The following CNTLN variants were observed in gnomAD, a reference collection of about 807,000 sequenced individuals.
CNTLN encodes centlein, centrosomal protein.
In CNTLN, 212 loss-of-function variants were observed where a neutral mutation model predicts 180.0. The ratio of observed to expected loss-of-function variants is 1.18; its 90% confidence interval spans 1.05 to 1.32. The LOEUF (loss-of-function observed/expected upper bound fraction) is 1.32, where lower values mean the gene tolerates loss of function less well. Ranked by LOEUF, CNTLN falls within the 40% of genes most tolerant of loss-of-function variation. CNTLN has a pLI of 0.00. For synonymous variants in CNTLN, 722 were observed against 563.1 expected, an observed-to-expected ratio of 1.28 and a Z score of -3.99; for missense variants, 2,095 against 1,610.9, an observed-to-expected ratio of 1.30 and a Z score of -5.14.
At chr9:17,287,798 G>A (rs1316986839) in intron 6 of CNTLN, among the ~76,000 whole-genome samples, 2 of 146,904 alleles carry the variant, frequency 1.4e-5, no homozygotes, top group Non-Finnish European at 3.0e-5. Flanking sequence ...TTTGCGTAGA[G>A]GTGTTTGTAG....
At chr9:17,208,839 C>G (rs1441963401) in intron 2 of CNTLN, among the ~76,000 whole-genome samples, 1 of 151,764 alleles carries the variant, frequency 6.6e-6, no homozygotes, top group Non-Finnish European at 1.5e-5. Context: ...TTATTTGTGT[C>G]TTCTCTCTTT....
At chr9:17,356,076 A>G (rs113941750) in intron 12 of CNTLN, among the ~76,000 whole-genome samples, 101 of 140,130 alleles carry the variant, frequency 7.2e-4, no homozygotes, top group Non-Finnish European at 1.1e-3. Context: ...AAAAAAAAAA[A>G]AAAAAGAAAA....
chr9:17,490,604 C>T (rs553615964), intron 25 of CNTLN, among the ~76,000 whole-genome samples: 7 of 151,790 alleles, frequency 4.6e-5, no homozygotes, highest in East Asian at 1.9e-4. Flanking sequence ...TGACTGCTTA[C>T]GGATAGAATT....
chr9:17,213,519 G>A (rs2131986362), intron 2 of CNTLN, among the ~76,000 whole-genome samples: 1 of 152,290 alleles, frequency 6.6e-6, no homozygotes, highest in South Asian at 2.1e-4. Context: ...GTGCTGAGAA[G>A]CATGTATATT....
At chr9:17,284,765 G>A (rs1828877662) in intron 6 of CNTLN, among the ~76,000 whole-genome samples, 1 of 151,810 alleles carries the variant, frequency 6.6e-6, no homozygotes. Context: ...CTTCAATTCT[G>A]CTCTGATCTT....
intron 13 of CNTLN, among the ~76,000 whole-genome samples, chr9:17,372,434 C>T (rs1824402187): frequency 1.3e-5 from 2 of 151,978 alleles, no homozygotes; most frequent in South Asian, 4.2e-4. Context: ...ATGAAGAAAT[C>T]CAGAGCCTCA....
Position 17,226,206 on chromosome 9 carries a change from A to G in CNTLN, c.453A>G (p.Glu151=). The G allele has an allele frequency of 6.5e-7, 1 of 1,548,326 alleles. No individual in the cohort carries two copies. The highest frequency in any genetic ancestry group is 8.7e-7 in the Non-Finnish European group (1 of 1,142,900). The change falls in exon 3 of 26, where the codon GAA becomes GAG. Residue 151 remains glutamate (E), a synonymous_variant. Coordinates refer to ENST00000380647, the MANE Select transcript of CNTLN (RefSeq NM_017738.4). ...TQVVSLVVER[E]KQKSEAKDRK... The stretch of plus-strand genomic sequence containing the variant: ...ACTCTCTATATTTTATATCTAGAGA[A>G]AAACAGAAATCTGAAGCTAAAGACA...
At chr9:17,457,985 T>C (rs2134162165) in intron 19 of CNTLN, among the ~76,000 whole-genome samples, 1 of 152,110 alleles carries the variant, frequency 6.6e-6, no homozygotes, top group Middle Eastern at 3.4e-3. Flanking sequence ...CTAATACTTC[T>C]TTCTGCCCCC....
At chr9:17,373,251 T>A (rs1391403230) in intron 13 of CNTLN, among the ~76,000 whole-genome samples, 1 of 152,110 alleles carries the variant, frequency 6.6e-6, no homozygotes, top group Non-Finnish European at 1.5e-5. Context: ...AAAAAAACTA[T>A]TAGAAAGGAT....
chr9:17,425,341 C>T (rs778643317), intron 18 of CNTLN, among the ~76,000 whole-genome samples: 1 of 152,040 alleles, frequency 6.6e-6, no homozygotes, highest in Non-Finnish European at 1.5e-5. Flanking sequence ...AAGAGACACC[C>T]GATTCTACTC....
At chr9:17,505,693 TG>T (rs1833921246), downstream of CNTLN, among the ~76,000 whole-genome samples, 1 of 152,134 alleles carries the variant, frequency 6.6e-6, no homozygotes, top group Non-Finnish European at 1.5e-5. Flanking sequence ...ATGTTAAAGA[TG>T]CCAGCTGTCT....
chr9:17,506,493 GTCA>G (rs1833934205), downstream of CNTLN, among the ~76,000 whole-genome samples: 2 of 152,242 alleles, frequency 1.3e-5, no homozygotes, highest in African/African-American at 2.4e-5. Flanking sequence ...AGTGAAAGTT[GTCA>G]TGTTTATGTG....
At chr9:17,368,795 G>C (rs1241772405) in intron 13 of CNTLN, among the ~76,000 whole-genome samples, 1 of 152,134 alleles carries the variant, frequency 6.6e-6, no homozygotes, top group Non-Finnish European at 1.5e-5. Context: ...ACTGGACTTG[G>C]GGTGCCCACT....
chr9:17,344,147 G>A (rs1191037098), intron 12 of CNTLN, among the ~76,000 whole-genome samples: 3 of 106,080 alleles, frequency 2.8e-5, no homozygotes, highest in African/African-American at 8.4e-5. Flanking sequence ...TGATTGATTT[G>A]GAGTTTATTT....
chr9:17,453,029 G>A (rs1407872974), intron 18 of CNTLN, among the ~76,000 whole-genome samples: 1 of 152,078 alleles, frequency 6.6e-6, no homozygotes, highest in East Asian at 1.9e-4. Context: ...AAGAAAATGG[G>A]GGTCAAGCAC....
intron 25 of CNTLN, among the ~76,000 whole-genome samples, chr9:17,495,423 G>C (rs970592822): frequency 6.6e-6 from 1 of 152,018 alleles, no homozygotes; most frequent in Non-Finnish European, 1.5e-5. Flanking sequence ...CCAGGGTAAT[G>C]TGTGTGTTTG....
At chr9:17,385,727 G>A (rs77393950) in intron 13 of CNTLN, among the ~76,000 whole-genome samples, 3,261 of 152,210 alleles carry the variant, frequency 0.021, 49 homozygotes, top group Middle Eastern at 0.099. Context: ...CCTAAACAAT[G>A]TAGTATAACA....
chr9:17,277,371 CTT>C (rs1828379175), intron 6 of CNTLN, among the ~76,000 whole-genome samples: 1 of 152,176 alleles, frequency 6.6e-6, no homozygotes, highest in South Asian at 2.1e-4. Flanking sequence ...TTCAGAAAAT[CTT>C]CAGACAGAAT....
chr9:17,295,700 C>A (rs757928106), intron 6 of CNTLN, among the ~76,000 whole-genome samples: 1 of 152,006 alleles, frequency 6.6e-6, no homozygotes, highest in East Asian at 1.9e-4. Flanking sequence ...CAGTGCTTTC[C>A]GCTGGTTCAG....
Sources: allele counts gnomAD v4.1 joint callset (sites outside exome capture counted in the v4.1 genomes callset), GRCh38; gene constraint gnomAD v4.1.1; transcripts MANE v1.5; gene names NCBI Gene and HGNC (gene_info 2026-07-23, HGNC 2026-07-21).